Variants in SLIT1 observed in about 807,000 individuals in gnomAD.
SLIT1 encodes the protein slit guidance ligand 1, also known as slit homolog 1 protein.
In SLIT1, 66 loss-of-function variants were observed where a neutral mutation model predicts 186.1. The observed-to-expected ratio is 0.35, with a 90% CI of 0.29 to 0.44. The LOEUF is 0.44. SLIT1 is among the 20% of genes least tolerant of loss of function. The probability of loss-of-function intolerance (pLI) is 1.00; values close to 1 mark genes in which losing one functional copy is unlikely to be tolerated. For missense variants in SLIT1, 1,638 were observed against 2,037.4 expected (o/e 0.80, Z 3.77); for synonymous variants, 761 against 833.8 (o/e 0.91, Z 1.50).
intron 4 of SLIT1, among the ~76,000 whole-genome samples, chr10:97,075,695 G>A (rs925781123): frequency 6.6e-6 from 1 of 152,194 alleles, no homozygotes; most frequent in African/African-American, 2.4e-5. Flanking sequence ...CTGGCACCTG[G>A]TGGATTGGCA....
chr10:97,002,606 C>CAT, intron 35 of SLIT1, 98 bp downstream of exon 35: 1 of 1,189,922 alleles, frequency 8.4e-7, no homozygotes, highest in Non-Finnish European at 1.2e-6. Context: ...GCTTAGGCTA[C>CAT]ATGTTCTAAT....
intron 1 of SLIT1, among the ~76,000 whole-genome samples, chr10:97,176,162 C>A (rs1850253424): frequency 2.0e-5 from 3 of 152,190 alleles, no homozygotes; most frequent in Admixed American, 1.3e-4. Context: ...TGCTGTTCAA[C>A]CCTGGGCAGA....
At chr10:97,042,790 A>C (rs1564660154) in intron 20 of SLIT1, 111 bp downstream of exon 20, 1 of 1,195,728 alleles carries the variant, frequency 8.4e-7, no homozygotes, top group East Asian at 2.4e-5. Context: ...CTCTCCTCTC[A>C]GGGGCATGCC....
In SLIT1 at chr10:97,002,762, C is replaced by G. The variant is rs776922564; in HGVS notation, c.4096G>C (p.Ala1366Pro). 3 of 1,611,362 alleles carry G rather than the reference C, an allele frequency of 1.9e-6. No homozygotes were observed. The Admixed American group carries it at 5.0e-5, about 27-fold the overall frequency. Residue 1366 changes from alanine to proline, a missense_variant, in exon 35 of 37, where the codon GCT (alanine) becomes CCT (proline). Transcript: ENST00000266058. ...TCACAGTGCAGGCCCACCCAGCCAG[C>G]CTCGCAGTGGCACATGGGCCCTGGG... ...ATPGPMCHCEAGWVGLHCDQP... is the reference protein window; with the variant it reads ...ATPGPMCHCEPGWVGLHCDQP...
At position 97,000,389 on chromosome 10, in the gene SLIT1, A is replaced by G. The variant is rs1848293061; in HGVS notation, c.*723T>C. On this transcript the variant is annotated 3_prime_UTR_variant, in exon 37 of 37. Transcript: ENST00000266058. ...TCTGCCACCCTGAGCAGCCCCTGTG[A>G]CTGTTTCCTCCACATAAGCCCTCGC... is the stretch of plus-strand genomic sequence containing the variant. 6.6e-6 allele frequency: 1 copy of G among 152,266 alleles called. No homozygotes were observed. Among genetic ancestry groups the G allele is most frequent in the East Asian group, 1.9e-4 (1 of 5,190 alleles). 9.4% of individuals were successfully genotyped at this position (152,266 alleles called of 1,614,324 possible).
At chr10:97,049,197 T>G (rs1384002212) in intron 13 of SLIT1, 79 bp from the exon 14 acceptor site, 3 of 1,516,334 alleles carry the variant, frequency 2.0e-6, no homozygotes, top group Non-Finnish European at 2.7e-6. Flanking sequence ...AGGGCCTCGT[T>G]GTGGCTGGGG....
chr10:97,173,214 A>G (rs1341480653), intron 1 of SLIT1, among the ~76,000 whole-genome samples: 1 of 152,226 alleles, frequency 6.6e-6, no homozygotes, highest in Non-Finnish European at 1.5e-5. Context: ...CCTCCTGCTC[A>G]GGGCCGGTCT....
intron 13 of SLIT1, among the ~76,000 whole-genome samples, chr10:97,049,548 G>A (rs971602172): frequency 4.6e-5 from 7 of 152,226 alleles, no homozygotes; most frequent in South Asian, 2.1e-4. Flanking sequence ...GACTGCAGGC[G>A]CCCAGGCCAC....
intron 25 of SLIT1, among the ~76,000 whole-genome samples, chr10:97,026,396 G>A (rs530162073): frequency 1.3e-4 from 19 of 150,412 alleles, no homozygotes; most frequent in African/African-American, 4.2e-4. Context: ...CCCGGGAGGC[G>A]GAGGTTGCAG....
intron 28 of SLIT1, among the ~76,000 whole-genome samples, chr10:97,017,255 A>G (rs755254611): frequency 5.3e-5 from 8 of 152,130 alleles, no homozygotes; most frequent in Non-Finnish European, 1.2e-4. Context: ...GAGTGTAAGG[A>G]CGCCGTTTCC....
At chr10:97,017,460 C>A (rs992761326) in intron 28 of SLIT1, among the ~76,000 whole-genome samples, 2 of 152,194 alleles carry the variant, frequency 1.3e-5, no homozygotes, top group Non-Finnish European at 1.5e-5. Flanking sequence ...GAGGGTGGGG[C>A]TCATTGGGCG....
Position 97,063,423 on chromosome 10 carries a change from C to G in SLIT1, c.793+32G>C, listed in dbSNP as rs766216376. The G allele has an allele frequency of 2.2e-5, 36 of 1,610,768 alleles. No individual in the cohort carries two copies. In the East Asian group the frequency reaches 6.2e-4, roughly 28 times the overall value. On this transcript the variant is annotated intron_variant, in intron 8 of 36. Coordinates refer to ENST00000266058, the MANE Select transcript of SLIT1 (RefSeq NM_003061.3). ...AAGAGGCAGGGCAGGAGGCGCCGGACAGTTGAGAGCCCGGCAGGGGTCTGC... is the reference window on the plus strand; with the variant it reads ...AAGAGGCAGGGCAGGAGGCGCCGGAGAGTTGAGAGCCCGGCAGGGGTCTGC...
rs769942071 is a variant in SLIT1, at chr10:97,063,579, C to T, written c.669G>A (p.Leu223=). The part of the protein sequence containing the change: ...HSNHLFCDCH[L]AWLSQWLRQR... ...GCCTCAGCCACTGCGAGAGCCAGGCCAGGTGGCAGTCGCAAAACAGGTGGT... is the reference window on the plus strand; with the variant it reads ...GCCTCAGCCACTGCGAGAGCCAGGCTAGGTGGCAGTCGCAAAACAGGTGGT... Residue 223 remains leucine, a synonymous_variant, in exon 8 of 37, where the codon CTG becomes CTA. Coordinates refer to ENST00000266058, the MANE Select transcript of SLIT1 (RefSeq NM_003061.3). 34 of 1,612,906 alleles carry T rather than the reference C, an allele frequency of 2.1e-5. No homozygotes were observed. The highest frequency in any genetic ancestry group is 1.1e-5 in the South Asian group (1 of 90,888).
intron 4 of SLIT1, among the ~76,000 whole-genome samples, chr10:97,073,942 T>C (rs1849023093): frequency 6.6e-6 from 1 of 152,168 alleles, no homozygotes; most frequent in South Asian, 2.1e-4. Context: ...GTGTACTTGC[T>C]GTGGCTTCTG....
chr10:97,023,267 A>G (rs1175660719), intron 25 of SLIT1, among the ~76,000 whole-genome samples: 1 of 149,510 alleles, frequency 6.7e-6, no homozygotes, highest in East Asian at 2.0e-4. Context: ...GGTGTCGCCA[A>G]GTTGGCCAGT....
chr10:97,048,601 G>C (rs1848757369), intron 14 of SLIT1, among the ~76,000 whole-genome samples: 2 of 152,202 alleles, frequency 1.3e-5, no homozygotes. Context: ...TTCAGATCAA[G>C]TCTAGAATTT....
At chr10:97,151,037 A>G (rs1043102163) in intron 4 of SLIT1, among the ~76,000 whole-genome samples, 1 of 151,568 alleles carries the variant, frequency 6.6e-6, no homozygotes, top group Admixed American at 6.6e-5. Flanking sequence ...CCAGTGCAGC[A>G]CCTGCCCCCA....
chr10:97,144,746 T>C (rs1026539941), intron 4 of SLIT1, among the ~76,000 whole-genome samples: 5 of 152,140 alleles, frequency 3.3e-5, no homozygotes, highest in African/African-American at 1.2e-4. Flanking sequence ...TTGTGAGAAC[T>C]TCTAGGACAG....
Position 97,048,980 on chromosome 10 carries a change from G to A in SLIT1, c.1440C>T (p.Ile480=), listed in dbSNP as rs2134627501. ...RRLANKRIGQ[I]KSKKFRCSAK... is the part of the protein sequence containing the mutation. Reference sequence around the variant, plus strand: ...CTGAGCACCGGAACTTCTTGCTCTTGATCTGCCCGATGCGCTTGTTGGCGA... The same window carrying A: ...CTGAGCACCGGAACTTCTTGCTCTTAATCTGCCCGATGCGCTTGTTGGCGA... The change falls in exon 14 of 37, where the codon ATC becomes ATT. Residue 480 remains isoleucine (I), a synonymous_variant. Coordinates refer to ENST00000266058, the MANE Select transcript of SLIT1 (RefSeq NM_003061.3). The A allele has an allele frequency of 6.2e-7, 1 of 1,609,038 alleles. No individual in the cohort carries two copies. The highest frequency in any genetic ancestry group is 8.5e-7 in the Non-Finnish European group (1 of 1,179,238).
Sources: gnomAD v4.1 joint callset for allele counts (sites outside exome capture counted in the v4.1 genomes callset) on GRCh38, gnomAD v4.1.1 for gene constraint, MANE v1.5 for transcripts, NCBI Gene and HGNC (gene_info 2026-07-23, HGNC 2026-07-21) for gene names.